Variants in CDH4 observed in about 807,000 individuals in gnomAD.
CDH4 encodes cadherin-4.
A neutral mutation model predicts 86.0 loss-of-function variants in CDH4; 33 were observed. The observed-to-expected ratio is 0.38, with a 90% CI of 0.29 to 0.51. The LOEUF is 0.51. Ranked by LOEUF, CDH4 falls within the 20% of genes least tolerant of loss-of-function variation. The probability of loss-of-function intolerance (pLI) is 0.86; values close to 1 mark genes in which losing one functional copy is unlikely to be tolerated. For synonymous variants in CDH4, 555 were observed against 549.4 expected (o/e 1.01, Z -0.14); for missense variants, 1,114 against 1,307.4 (o/e 0.85, Z 2.28).
At chr20:61,840,975 G>A (rs565121209) in intron 4 of CDH4, among the ~76,000 whole-genome samples, 1 of 152,348 alleles carries the variant, frequency 6.6e-6, no homozygotes, top group South Asian at 2.1e-4. Context: ...TTAAATAGGT[G>A]GTGGATTATT....
At chr20:61,855,948 C>T (rs1398602071) in intron 6 of CDH4, among the ~76,000 whole-genome samples, 1 of 152,204 alleles carries the variant, frequency 6.6e-6, no homozygotes, top group African/African-American at 2.4e-5. Context: ...TGTGCAAAGG[C>T]CAGGACGGAG....
intron 4 of CDH4, among the ~76,000 whole-genome samples, chr20:61,822,315 G>A (rs1477483823): frequency 1.3e-5 from 2 of 152,042 alleles, no homozygotes; most frequent in Admixed American, 6.5e-5. Context: ...TATGATTATC[G>A]CACCTCTGAT....
At chr20:61,883,063 A>T (rs962435088) in intron 7 of CDH4, among the ~76,000 whole-genome samples, 1 of 152,020 alleles carries the variant, frequency 6.6e-6, no homozygotes, top group Non-Finnish European at 1.5e-5. Context: ...TCTCACCCAG[A>T]AATGAGAAAT....
chr20:61,288,342 G>A (rs2084303980), intron 2 of CDH4, among the ~76,000 whole-genome samples: 1 of 152,168 alleles, frequency 6.6e-6, no homozygotes, highest in African/African-American at 2.4e-5. Context: ...GTTCGCTCTT[G>A]GCAGACAACC....
intron 5 of CDH4, 113 bp from the exon 6 acceptor site, chr20:61,852,641 G>A (rs1982778097): frequency 8.0e-6 from 9 of 1,124,240 alleles, no homozygotes; most frequent in Non-Finnish European, 1.2e-6. Context: ...GGCCCCTATA[G>A]CCAACCTGCT....
chr20:61,592,603 A>G (rs745654406), intron 2 of CDH4, among the ~76,000 whole-genome samples: 4 of 152,140 alleles, frequency 2.6e-5, no homozygotes, highest in Non-Finnish European at 5.9e-5. Context: ...CCCCATCCCT[A>G]TTAAGCAGTC....
At chr20:61,711,647 C>T (rs978074834) in intron 2 of CDH4, among the ~76,000 whole-genome samples, 2 of 152,168 alleles carry the variant, frequency 1.3e-5, no homozygotes, top group African/African-American at 2.4e-5. Context: ...AACACACCTG[C>T]AAGTCTCCTT....
chr20:61,721,023 C>G (rs960033628), intron 2 of CDH4, among the ~76,000 whole-genome samples: 1 of 152,118 alleles, frequency 6.6e-6, no homozygotes, highest in Admixed American at 6.5e-5. Flanking sequence ...CACCATGTGT[C>G]CCCCCGGCTC....
chr20:61,775,839 C>G (rs182162801), intron 4 of CDH4, among the ~76,000 whole-genome samples: 2 of 152,338 alleles, frequency 1.3e-5, no homozygotes, highest in Admixed American at 1.3e-4. Flanking sequence ...GTTTCTCAGC[C>G]TGATGATCTA....
intron 2 of CDH4, among the ~76,000 whole-genome samples, chr20:61,399,155 T>A (rs2145477210): frequency 1.0e-5 from 1 of 99,646 alleles, no homozygotes; most frequent in Non-Finnish European, 1.9e-5. Flanking sequence ...AGACGGAGTC[T>A]CACTCTGTCG....
intron 2 of CDH4, among the ~76,000 whole-genome samples, chr20:61,378,644 A>G (rs1051948155): frequency 1.3e-5 from 2 of 152,182 alleles, no homozygotes; most frequent in African/African-American, 4.8e-5. Flanking sequence ...CTTTATCTCA[A>G]AATTACTAAT....
chr20:61,267,417 C>T (rs758197351), intron 2 of CDH4, among the ~76,000 whole-genome samples: 3 of 152,104 alleles, frequency 2.0e-5, no homozygotes, highest in Non-Finnish European at 4.4e-5. Context: ...AGGTGTCTGC[C>T]GAATGTAACC....
At chr20:61,837,025 C>A (rs1262901590) in intron 4 of CDH4, among the ~76,000 whole-genome samples, 1 of 152,200 alleles carries the variant, frequency 6.6e-6, no homozygotes, top group African/African-American at 2.4e-5. Flanking sequence ...GAAACCCTAT[C>A]TCTACAACAA....
chr20:61,276,604 A>T (rs2084233117), intron 2 of CDH4, among the ~76,000 whole-genome samples: 1 of 152,102 alleles, frequency 6.6e-6, no homozygotes, highest in Non-Finnish European at 1.5e-5. Flanking sequence ...CATTCTTGGG[A>T]TGATGTTCTG....
chr20:61,798,927 C>A (rs1002210715), intron 4 of CDH4, among the ~76,000 whole-genome samples: 2 of 152,258 alleles, frequency 1.3e-5, no homozygotes, highest in African/African-American at 4.8e-5. Context: ...ATGACCCGGG[C>A]TCCTTTCGCG....
chr20:61,254,072 G>T (rs1290785882), intron 1 of CDH4, among the ~76,000 whole-genome samples: 2 of 152,222 alleles, frequency 1.3e-5, no homozygotes, highest in African/African-American at 4.8e-5. Flanking sequence ...CCTGTGCCAT[G>T]GGCTCTAGAC....
At chr20:61,658,251 C>T (rs572460449) in intron 2 of CDH4, among the ~76,000 whole-genome samples, 6 of 151,988 alleles carry the variant, frequency 3.9e-5, no homozygotes, top group East Asian at 1.9e-4. Context: ...AGGGCTCCAT[C>T]GCACCTGCAA....
chr20:61,891,161 G>A (rs1984802053), intron 7 of CDH4, among the ~76,000 whole-genome samples: 1 of 152,158 alleles, frequency 6.6e-6, no homozygotes, highest in East Asian at 1.9e-4. Context: ...TGGGGCAAAT[G>A]TTGGGGTAAC....
intron 2 of CDH4, among the ~76,000 whole-genome samples, chr20:61,688,951 A>T (rs1033776639): frequency 2.6e-5 from 4 of 152,198 alleles, no homozygotes; most frequent in African/African-American, 9.7e-5. Flanking sequence ...AAAAACACAC[A>T]TGTATCCTGT....
Sources: allele counts gnomAD v4.1 joint callset (sites outside exome capture counted in the v4.1 genomes callset), GRCh38; gene constraint gnomAD v4.1.1; transcripts MANE v1.5; gene names NCBI Gene and HGNC (gene_info 2026-07-23, HGNC 2026-07-21).